SLFN11: variants seen among roughly 807,000 people sequenced by gnomAD.
SLFN11 encodes schlafen family member 11.
Under a neutral mutation model 53.4 loss-of-function variants are expected in SLFN11, and 43 were observed. That is an observed-to-expected ratio of 0.80 (90% CI 0.63 to 1.04). The LOEUF (loss-of-function observed/expected upper bound fraction) is 1.04. Among genes scored for constraint, SLFN11 ranks in the 50% least tolerant of loss-of-function variants. The pLI, the probability that SLFN11 is intolerant of heterozygous loss-of-function variation, is 0.00. For synonymous variants in SLFN11, 389 were observed against 394.7 expected (o/e 0.99, Z 0.17); for missense variants, 990 against 1,079.1 (o/e 0.92, Z 1.16).
chr17:35,358,287 CTAATA>C (rs565190674), intron 5 of SLFN11, among the ~76,000 whole-genome samples: 30 of 151,538 alleles, frequency 2.0e-4, no homozygotes, highest in African/African-American at 7.0e-4. Context: ...TCTTATAATA[CTAATA>C]TAAGTACTTA....
At chr17:35,370,533 T>C (rs1457469295) in intron 1 of SLFN11, among the ~76,000 whole-genome samples, 5 of 152,168 alleles carry the variant, frequency 3.3e-5, no homozygotes, top group African/African-American at 9.6e-5. Flanking sequence ...AGAAGTCAAA[T>C]TGTCCTTGTT....
chr17:35,354,265 CAACTTAT>C (rs1269206747), intron 5 of SLFN11, among the ~76,000 whole-genome samples: 1 of 152,022 alleles, frequency 6.6e-6, no homozygotes, highest in African/African-American at 2.4e-5. Flanking sequence ...GTGTTTTTTA[CAACTTAT>C]AACCTTGGGA....
chr17:35,363,406 A>G lies in SLFN11; in HGVS notation c.402T>C (p.Arg134=). The part of the protein sequence containing the change: ...RLCSLSSSLY[R]RSETSVRSMD... ...TGGAACGCACAGAGGTCTCAGATCT[A>G]CGGTATAATGAAGAACTGAGGCTGC... Residue 134 remains arginine, a synonymous_variant, in exon 4 of 7, where the codon CGT becomes CGC. Transcript: ENST00000685675. 6.2e-7 allele frequency: 1 copy of G among 1,613,988 alleles called. No individual in the cohort carries two copies. The highest frequency in any genetic ancestry group is 8.5e-7 in the Non-Finnish European group (1 of 1,179,994).
At chr17:35,361,482 G>A (rs993944570) in intron 4 of SLFN11, among the ~76,000 whole-genome samples, 1 of 151,884 alleles carries the variant, frequency 6.6e-6, no homozygotes, top group African/African-American at 2.4e-5. Flanking sequence ...TTTTGTTTTT[G>A]AGACAGGGTC....
intron 5 of SLFN11, among the ~76,000 whole-genome samples, chr17:35,354,558 A>C (rs114828737): frequency 1.9e-3 from 287 of 152,204 alleles, no homozygotes; most frequent in African/African-American, 6.7e-3. Context: ...GTCATATTAA[A>C]ACCTTTGTTG....
In SLFN11 at chr17:35,364,124, C is replaced by A. The variant is rs1908638803; in HGVS notation, c.-19-298G>T. On this transcript the variant is annotated intron_variant, in intron 3 of 6. Coordinates refer to ENST00000685675, the MANE Select transcript of SLFN11 (RefSeq NM_001376007.1). Reference sequence around the variant, plus strand: ...GTGACATTTAAAGACCTGAAGGATGCATTGGAATTGGCCAGGTGAAGTTAT... The same window carrying A: ...GTGACATTTAAAGACCTGAAGGATGAATTGGAATTGGCCAGGTGAAGTTAT... Among the ~76,000 whole-genome samples, 3 of 152,012 alleles carry A rather than the reference C, an allele frequency of 2.0e-5. No individual in the cohort carries two copies. The South Asian group carries it at 6.2e-4, about 31-fold the overall frequency.
chr17:35,353,242 T>C (rs1906984907), intron 6 of SLFN11, 94 bp downstream of exon 6: 6 of 1,600,664 alleles, frequency 3.7e-6, no homozygotes, highest in Non-Finnish European at 5.1e-6. Flanking sequence ...CACAGATCAT[T>C]TTACCACTCA....
At chr17:35,363,904 G>A (rs892752307) in intron 3 of SLFN11, 78 bp from the exon 4 acceptor site, 5 of 1,166,762 alleles carry the variant, frequency 4.3e-6, no homozygotes, top group East Asian at 2.5e-5. Context: ...AATATGTGCT[G>A]AGAGAAGACA....
intron 5 of SLFN11, chr17:35,359,933 G>A: frequency 3.7e-6 from 1 of 272,258 alleles, no homozygotes; most frequent in Non-Finnish European, 6.9e-6. Context: ...GTGGAGTAGG[G>A]ACTCAGATAT....
In SLFN11 at chr17:35,350,448, C is replaced by T. The variant is rs1318651712; in HGVS notation, c.*1908G>A. On this transcript the variant is annotated 3_prime_UTR_variant, in exon 7 of 7. Coordinates refer to ENST00000685675, the MANE Select transcript of SLFN11 (RefSeq NM_001376007.1). ...AAACAAAAATTCATAATTATTTATA[C>T]ATTTTAAAATATTATATTGTTTCAA... 1 of 152,050 alleles carries T rather than the reference C, an allele frequency of 6.6e-6. No individual in the cohort carries two copies. The highest frequency in any genetic ancestry group is 1.5e-5 in the Non-Finnish European group (1 of 67,994). 9.4% of individuals were successfully genotyped at this position (152,050 alleles called of 1,614,324 possible). A position where few individuals can be genotyped will look rare whatever the true frequency, so the allele number is the denominator to read the frequency against.
In SLFN11 at chr17:35,352,670, G is replaced by A. The variant is rs766672845; in HGVS notation, c.2392C>T (p.Arg798Cys). ...IMTCVADTCR[R>C]FFDRGYSPKD... ...GGAGAATAGCCCCTATCAAAGAAGC[G>A]CCTGCACGTGTCTGCCACACAGGTC... The change falls in exon 7 of 7, where the codon CGC becomes TGC. Residue 798 changes from arginine (R) to cysteine (C), a missense_variant. Transcript: ENST00000685675. The A allele has an allele frequency of 9.9e-6, 16 of 1,613,786 alleles. No individual in the cohort carries two copies. The highest frequency in any genetic ancestry group is 2.7e-5 in the African/African-American group (2 of 74,902).
intron 1 of SLFN11, among the ~76,000 whole-genome samples, chr17:35,372,885 C>T (rs1909869117): frequency 6.6e-6 from 1 of 152,102 alleles, no homozygotes; most frequent in Non-Finnish European, 1.5e-5. Context: ...TCTGGGGTAG[C>T]ACGTGTATTC....
intron 4 of SLFN11, among the ~76,000 whole-genome samples, chr17:35,361,444 C>A (rs1013055205): frequency 3.3e-5 from 5 of 152,030 alleles, no homozygotes; most frequent in African/African-American, 1.2e-4. Context: ...CCCCCGTGAC[C>A]CTCATCACCC....
Position 35,369,154 on chromosome 17 carries a change from TTAGC to T in SLFN11, c.-234-1458_-234-1455del, listed in dbSNP as rs1909333257. ...TTTGTCTTGCACCGTAGGTACCAGC[TTAGC>T]CACAGGGGTAGAGCAACAAGTAGGC... On this transcript the variant is annotated intron_variant, in intron 1 of 6. Coordinates refer to ENST00000685675, the MANE Select transcript of SLFN11 (RefSeq NM_001376007.1). Among the ~76,000 whole-genome samples, 8 of 152,078 alleles carry T rather than the reference TTAGC, an allele frequency of 5.3e-5. No homozygotes were observed. In the South Asian group the frequency reaches 8.3e-4, roughly 16 times the overall value.
At chr17:35,372,917 G>C (rs1909873060) in intron 1 of SLFN11, among the ~76,000 whole-genome samples, 1 of 152,058 alleles carries the variant, frequency 6.6e-6, no homozygotes. Context: ...TCCAGAGGGA[G>C]ACATTTTTCT....
In SLFN11 at chr17:35,350,416, T is replaced by A. The variant is rs1906538134; in HGVS notation, c.*1940A>T. 6.6e-6 allele frequency: 1 copy of A among 152,190 alleles called. No homozygotes were observed. Among genetic ancestry groups the A allele is most frequent in the Non-Finnish European group, 1.5e-5 (1 of 68,040 alleles). 9.4% of individuals were successfully genotyped at this position (152,190 alleles called of 1,614,324 possible). A position where few individuals can be genotyped will look rare whatever the true frequency, so the allele number is the denominator to read the frequency against. The stretch of plus-strand genomic sequence containing the variant: ...GGGAAACAAATATCAGTAATCCTCT[T>A]TGTTCTAAACAAAAATTCATAATTA... On this transcript the variant is annotated 3_prime_UTR_variant, in exon 7 of 7. Coordinates refer to ENST00000685675, the MANE Select transcript of SLFN11 (RefSeq NM_001376007.1).
Position 35,352,504 on chromosome 17 carries a change from C to T in SLFN11, c.2558G>A (p.Ser853Asn), listed in dbSNP as rs1201532341. Residue 853 changes from serine to asparagine, a missense_variant, in exon 7 of 7, where the codon AGT (serine) becomes AAT (asparagine). Ser to Asn is a conservative substitution (Grantham distance 46, BLOSUM62 1). Transcript: ENST00000685675. ...DMLGDHIVLD[S>N]VRRFSGLERS... ...TTCCAGGCCTGAGAATCGCCGAACA[C>T]TGTCCAACACAATGTGATCACCCAA... 1 of 1,614,132 alleles carries T rather than the reference C, an allele frequency of 6.2e-7. No homozygotes were observed.
At position 35,351,183 on chromosome 17, in the gene SLFN11, C is replaced by T. The variant is rs1030657772; in HGVS notation, c.*1173G>A. On this transcript the variant is annotated 3_prime_UTR_variant, in exon 7 of 7. Coordinates refer to ENST00000685675, the MANE Select transcript of SLFN11 (RefSeq NM_001376007.1). ...CTCTTGGCTTGTAGGTGGCTGCCAT[C>T]TCTCTGTGTGCTCCCATGCCCTCTT... is the stretch of plus-strand genomic sequence containing the variant. The T allele has an allele frequency of 1.3e-5, 2 of 152,314 alleles. No individual in the cohort carries two copies. Among genetic ancestry groups the T allele is most frequent in the African/African-American group, 2.4e-5 (1 of 41,432 alleles). 9.4% of individuals were successfully genotyped at this position (152,314 alleles called of 1,614,324 possible).
At chr17:35,372,859 T>G (rs531075737) in intron 1 of SLFN11, among the ~76,000 whole-genome samples, 10 of 152,134 alleles carry the variant, frequency 6.6e-5, no homozygotes, top group African/African-American at 2.4e-4. Flanking sequence ...AACTAAAACT[T>G]AGAGCTCTTT....
Sources: allele counts gnomAD v4.1 joint callset (sites outside exome capture counted in the v4.1 genomes callset), GRCh38; gene constraint gnomAD v4.1.1; transcripts MANE v1.5; gene names NCBI Gene and HGNC (gene_info 2026-07-23, HGNC 2026-07-21).